GRIP1: variants seen among roughly 807,000 people sequenced by gnomAD.
GRIP1 encodes glutamate receptor interacting protein 1, also known as glutamate receptor-interacting protein 1.
In GRIP1, 45 loss-of-function variants were observed where a neutral mutation model predicts 129.9. That is an observed-to-expected ratio of 0.35 (90% CI 0.27 to 0.44). The LOEUF (loss-of-function observed/expected upper bound fraction) is 0.44, where lower values mean the gene tolerates loss of function less well. GRIP1 is among the 20% of genes least tolerant of loss of function. The pLI is 1.00. For missense variants in GRIP1, 1,196 were observed against 1,396.8 expected (o/e 0.86, Z 2.29); for synonymous variants, 530 against 520.8 (o/e 1.02, Z -0.24).
At chr12:66,539,329 C>A in intron 3 of GRIP1, 106 bp from the exon 4 acceptor site, 1 of 1,461,302 alleles carries the variant, frequency 6.8e-7, no homozygotes, top group Non-Finnish European at 9.5e-7. Context: ...TAGAAGCAAG[C>A]CTAGAAGGCT....
intron 1 of GRIP1, among the ~76,000 whole-genome samples, chr12:66,979,028 TCCA>T (rs1354179096): frequency 1.3e-5 from 2 of 151,896 alleles, no homozygotes; most frequent in East Asian, 3.9e-4. Context: ...GGTCAGTAGC[TCCA>T]CACCATCTGG....
At chr12:66,954,880 AAAG>A (rs1396371897) in intron 1 of GRIP1, among the ~76,000 whole-genome samples, 1 of 152,124 alleles carries the variant, frequency 6.6e-6, no homozygotes, top group Non-Finnish European at 1.5e-5. Flanking sequence ...GGGGAGGAGA[AAAG>A]AAGATTGCAA....
At chr12:66,937,192 G>A (rs1485559981) in intron 1 of GRIP1, among the ~76,000 whole-genome samples, 4 of 151,806 alleles carry the variant, frequency 2.6e-5, no homozygotes, top group African/African-American at 9.7e-5. Flanking sequence ...CCAGTGCTGT[G>A]CATAAATGTC....
chr12:66,526,477 T>C (rs552296520), intron 5 of GRIP1, among the ~76,000 whole-genome samples: 1 of 152,086 alleles, frequency 6.6e-6, no homozygotes, highest in East Asian at 1.9e-4. Context: ...GCTAGCCATA[T>C]GTAGAAAGCT....
intron 1 of GRIP1, among the ~76,000 whole-genome samples, chr12:66,714,692 G>A (rs574241620): frequency 1.4e-4 from 21 of 152,038 alleles, no homozygotes; most frequent in Non-Finnish European, 3.1e-4. Context: ...ATGTGTCATT[G>A]TCTTATTTGA....
At chr12:66,689,999 G>A (rs1209614361) in intron 1 of GRIP1, among the ~76,000 whole-genome samples, 1 of 151,850 alleles carries the variant, frequency 6.6e-6, no homozygotes. Flanking sequence ...GCTTGCTGTA[G>A]CTTCAGCCTC....
intron 1 of GRIP1, among the ~76,000 whole-genome samples, chr12:66,860,190 C>G (rs1021824322): frequency 2.6e-5 from 4 of 152,064 alleles, no homozygotes; most frequent in African/African-American, 9.7e-5. Context: ...GCCTGGGCTT[C>G]TAGGAGGCAG....
intron 9 of GRIP1, among the ~76,000 whole-genome samples, chr12:66,459,285 T>TAATGGATTC (rs2138278745): frequency 6.6e-6 from 1 of 152,370 alleles, no homozygotes; most frequent in South Asian, 2.1e-4. Context: ...GAGATGTCCC[T>TAATGGATTC]AATGGATTCT....
chr12:66,640,990 T>A (rs10878478), intron 1 of GRIP1, among the ~76,000 whole-genome samples: 30,000 of 152,196 alleles, frequency 0.2, 3,079 homozygotes, highest in Non-Finnish European at 0.23. Context: ...ATAACTTTTT[T>A]TTTCCAGAGG....
chr12:66,891,425 G>A (rs1592933109), intron 1 of GRIP1, among the ~76,000 whole-genome samples: 1 of 152,324 alleles, frequency 6.6e-6, no homozygotes, highest in African/African-American at 2.4e-5. Flanking sequence ...ATGGGACAGT[G>A]GATGGCCTGG....
At chr12:66,836,299 T>C (rs778837937) in intron 1 of GRIP1, among the ~76,000 whole-genome samples, 7 of 152,030 alleles carry the variant, frequency 4.6e-5, no homozygotes, top group Non-Finnish European at 1.0e-4. Context: ...CAACCTCATC[T>C]CCCTCAAGAA....
rs192518883 is a variant in GRIP1, at chr12:66,740,180, A to G, written c.-420+63873T>C. 1.8e-3 allele frequency among the ~76,000 whole-genome samples: 278 copies of G among 152,228 alleles called. 3 individuals are homozygous for G. Among genetic ancestry groups the G allele is most frequent in the South Asian group, 0.016 (75 of 4,814 alleles). On this transcript the variant is annotated intron_variant, in intron 1 of 4. Transcript: ENST00000538373. ...CTTGTTGCTATGCCATGTCTGTTAG[A>G]TCACTGATGATGAATATACATCTTG...
At chr12:66,980,648 A>C (rs1223062156) in intron 1 of GRIP1, among the ~76,000 whole-genome samples, 2 of 152,182 alleles carry the variant, frequency 1.3e-5, no homozygotes, top group Non-Finnish European at 2.9e-5. Flanking sequence ...TAATTCTTAC[A>C]ACAACTCTGT....
At chr12:66,991,050 G>A (rs1448924991) in intron 1 of GRIP1, among the ~76,000 whole-genome samples, 1 of 150,876 alleles carries the variant, frequency 6.6e-6, no homozygotes, top group East Asian at 1.9e-4. Flanking sequence ...GAGGCAGGCG[G>A]ATCACGAGGT....
intron 23 of GRIP1, among the ~76,000 whole-genome samples, chr12:66,360,626 C>G (rs911843182): frequency 3.9e-5 from 6 of 152,188 alleles, no homozygotes; most frequent in Non-Finnish European, 8.8e-5. Flanking sequence ...AGAACAGAAG[C>G]TTTCACAGGA....
chr12:66,948,001 ATCAGACTCCTTTATAAAGTGGGTT>A (rs2041698593), intron 1 of GRIP1, among the ~76,000 whole-genome samples: 1 of 152,214 alleles, frequency 6.6e-6, no homozygotes, highest in South Asian at 2.1e-4. Context: ...CTCGCTGCTT[ATCAGACTCCTTTATAAAGTGGGTT>A]CATCTGCTCG....
At chr12:67,012,894 T>C (rs11176536) in intron 1 of GRIP1, among the ~76,000 whole-genome samples, 41,697 of 152,148 alleles carry the variant, frequency 0.27, 5,780 homozygotes, top group East Asian at 0.42. Context: ...AAGAAGTGTG[T>C]CTCTGAAAAC....
At chr12:67,021,574 T>G (rs1252844491) in intron 1 of GRIP1, among the ~76,000 whole-genome samples, 5 of 152,198 alleles carry the variant, frequency 3.3e-5, no homozygotes, top group African/African-American at 1.2e-4. Context: ...ATACATACAA[T>G]GTATAATGAT....
chr12:66,914,997 T>C (rs1475930520), intron 1 of GRIP1, among the ~76,000 whole-genome samples: 2 of 152,168 alleles, frequency 1.3e-5, no homozygotes, highest in Admixed American at 6.5e-5. Flanking sequence ...AGCAACAAGC[T>C]TCTCTATTTT....
Sources: allele counts gnomAD v4.1 joint callset (sites outside exome capture counted in the v4.1 genomes callset), GRCh38; gene constraint gnomAD v4.1.1; transcripts MANE v1.5; gene names NCBI Gene and HGNC (gene_info 2026-07-23, HGNC 2026-07-21).